SGCD: variants seen among roughly 807,000 people sequenced by gnomAD.
SGCD encodes delta-sarcoglycan.
Under a neutral mutation model 36.6 loss-of-function variants are expected in SGCD, and 18 were observed. The ratio of observed to expected loss-of-function variants is 0.49; its 90% CI spans 0.34 to 0.73. SGCD has a LOEUF of 0.73. Among genes scored for constraint, SGCD ranks in the 30% least tolerant of loss-of-function variants. The probability of loss-of-function intolerance (pLI) is 0.01; values close to 1 mark genes in which losing one functional copy is unlikely to be tolerated. For missense variants in SGCD, 387 were observed against 346.7 expected, an observed-to-expected ratio of 1.12 and a Z score of -0.92; for synonymous variants, 133 against 130.6, an observed-to-expected ratio of 1.02 and a Z score of -0.12.
chr5:155,743,527 A>G, the SGCD span, among the ~76,000 whole-genome samples: 3 of 152,238 alleles, frequency 2.0e-5, no homozygotes, highest in Non-Finnish European at 4.4e-5. Flanking sequence ...GAACAGTGAA[A>G]AGTTTTATGA....
At chr5:156,297,796 AAATAAATAAAT>A (rs1766937835) in intron 3 of SGCD, among the ~76,000 whole-genome samples, 1 of 83,134 alleles carries the variant, frequency 1.2e-5, no homozygotes, top group African/African-American at 7.4e-5. Context: ...ATAAAAAAAT[AAATAAATAAAT>A]AAATAAATAA....
chr5:156,211,150 A>T (rs1240721272), intron 3 of SGCD, among the ~76,000 whole-genome samples: 1 of 152,160 alleles, frequency 6.6e-6, no homozygotes, highest in Non-Finnish European at 1.5e-5. Flanking sequence ...TGGATGATAT[A>T]TTCAAAGTGC....
chr5:156,168,371 C>CAA (rs76065330), intron 3 of SGCD, among the ~76,000 whole-genome samples: 1 of 145,322 alleles, frequency 6.9e-6, no homozygotes, highest in Non-Finnish European at 1.5e-5. Context: ...CCTATCTCTA[C>CAA]AAAAAAAAAA....
rs111629456 is a variant in SGCD at position 156,681,906 on chromosome 5, G to A, written c.575+34370G>A. Among the ~76,000 whole-genome samples, 560 of 152,340 alleles carry A rather than the reference G, an allele frequency of 3.7e-3. 7 individuals are homozygous for A. Among genetic ancestry groups the A allele is most frequent in the African/African-American group, 0.012 (486 of 41,582 alleles). The stretch of plus-strand genomic sequence containing the variant: ...CTAAAAATGGTTTATGTCAAATGAC[G>A]TTGCCAAAGCAAATGCTATTATGAA... On this transcript the variant is annotated intron_variant, in intron 7 of 8. Transcript: ENST00000337851.
rs186547963 is a variant in SGCD, at chr5:156,585,568, C to T, written c.295-3663C>T. ...CTGTGGAGAAGTCACTATGTTCTGA[C>T]TACCCAGTGTTGAGAGCCTTCCAGA... On this transcript the variant is annotated intron_variant, in intron 4 of 8. Transcript: ENST00000337851. 2.0e-5 allele frequency among the ~76,000 whole-genome samples: 3 copies of T among 152,310 alleles called. No homozygotes were observed. In the East Asian group the frequency reaches 5.8e-4, roughly 29 times the overall value.
chr5:156,323,039 A>T (rs941986769), upstream of SGCD, among the ~76,000 whole-genome samples: 2 of 152,172 alleles, frequency 1.3e-5, no homozygotes, highest in African/African-American at 4.8e-5. Context: ...TAGTCAGCTT[A>T]AAAGCTACCC....
rs1481156178 is a variant in SGCD at position 156,319,583 on chromosome 5, T to C, written c.-43-9951T>C. 2.0e-5 allele frequency among the ~76,000 whole-genome samples: 3 copies of C among 152,200 alleles called. No individual in the cohort carries two copies. The South Asian group carries it at 6.2e-4, about 31-fold the overall frequency. On this transcript the variant is annotated intron_variant, in intron 3 of 9. Coordinates refer to the SGCD transcript ENST00000517913. ...GCATCTTGAAACACAAATTGTATTTTAGGAAGTGAAGCCCCAGCAGTAATT... is the reference window on the plus strand; with the variant it reads ...GCATCTTGAAACACAAATTGTATTTCAGGAAGTGAAGCCCCAGCAGTAATT...
In SGCD at chr5:155,981,607, C is replaced by T. The variant is rs566299686; in HGVS notation, c.-282+111183C>T. On this transcript the variant is annotated intron_variant, in intron 1 of 9. Coordinates refer to the SGCD transcript ENST00000517913. ...GCCCTTTACGTTTTCAACCTATTTC[C>T]CAGTGCCTCCTACTTCTGCTGTGTT... is the stretch of plus-strand genomic sequence containing the variant. 3.3e-5 allele frequency among the ~76,000 whole-genome samples: 5 copies of T among 152,252 alleles called. No homozygotes were observed. The East Asian group carries it at 9.7e-4, about 29-fold the overall frequency.
chr5:156,377,454 G>A (rs1204294793), intron 3 of SGCD, among the ~76,000 whole-genome samples: 2 of 152,152 alleles, frequency 1.3e-5, no homozygotes, highest in African/African-American at 4.8e-5. Context: ...AGCCAAAAAA[G>A]TAATGATTTG....
the SGCD span, among the ~76,000 whole-genome samples, chr5:155,837,125 G>T: frequency 6.6e-6 from 1 of 151,948 alleles, no homozygotes; most frequent in Non-Finnish European, 1.5e-5. Context: ...TATGTTAATG[G>T]CTACTAGGAT....
the SGCD span, among the ~76,000 whole-genome samples, chr5:155,734,079 ATTATATAATATAATAATATT>A: frequency 1.4e-5 from 2 of 146,906 alleles, no homozygotes; most frequent in African/African-American, 5.0e-5. Flanking sequence ...TTATATTATT[ATTATATAATATAATAATATT>A]ATTAATTATA....
chr5:156,513,150 GA>G (rs1230743762), intron 4 of SGCD, among the ~76,000 whole-genome samples: 1 of 152,148 alleles, frequency 6.6e-6, no homozygotes, highest in East Asian at 1.9e-4. Context: ...AAAGGTGAAA[GA>G]AAAAGATTTC....
At chr5:155,732,771 A>C in the SGCD span, among the ~76,000 whole-genome samples, 10 of 152,236 alleles carry the variant, frequency 6.6e-5, no homozygotes, top group East Asian at 1.9e-3. Context: ...ACATCTATTT[A>C]TACACTACCA....
At chr5:156,142,317 T>G (rs1316270099) in intron 3 of SGCD, among the ~76,000 whole-genome samples, 1 of 152,158 alleles carries the variant, frequency 6.6e-6, no homozygotes, top group Non-Finnish European at 1.5e-5. Context: ...AATTAACCAG[T>G]CTCAAGTATT....
At chr5:155,744,089 A>C in the SGCD span, among the ~76,000 whole-genome samples, 1 of 152,198 alleles carries the variant, frequency 6.6e-6, no homozygotes, top group African/African-American at 2.4e-5. Context: ...ATCAGATATC[A>C]GAAAGAAAAC....
At chr5:156,029,480 C>T (rs933116512) in intron 1 of SGCD, among the ~76,000 whole-genome samples, 1 of 152,270 alleles carries the variant, frequency 6.6e-6, no homozygotes, top group Admixed American at 6.5e-5. Context: ...CTGTAGTAAC[C>T]AAGGTAGATG....
At chr5:156,218,314 A>G (rs1159389518) in intron 3 of SGCD, among the ~76,000 whole-genome samples, 1 of 152,226 alleles carries the variant, frequency 6.6e-6, no homozygotes, top group Non-Finnish European at 1.5e-5. Flanking sequence ...ACAACATGAA[A>G]GATATTACAT....
chr5:155,777,713 C>T, the SGCD span, among the ~76,000 whole-genome samples: 25 of 152,128 alleles, frequency 1.6e-4, no homozygotes, highest in African/African-American at 4.1e-4. Context: ...GAGCCACTGA[C>T]GCATGATTTG....
chr5:156,703,726 A>C (rs749147260), intron 7 of SGCD, among the ~76,000 whole-genome samples: 6 of 152,196 alleles, frequency 3.9e-5, no homozygotes, highest in Non-Finnish European at 5.9e-5. Context: ...GAAGCCCAGG[A>C]GCAAATGAAT....
Sources: gnomAD v4.1 joint callset for allele counts (sites outside exome capture counted in the v4.1 genomes callset) on GRCh38, gnomAD v4.1.1 for gene constraint, MANE v1.5 for transcripts, NCBI Gene and HGNC (gene_info 2026-07-23, HGNC 2026-07-21) for gene names.